Variants in ADGRL2 observed in about 807,000 individuals in gnomAD.
The protein encoded by ADGRL2 is calcium-independent alpha-latrotoxin receptor 2.
In ADGRL2, 44 loss-of-function variants were observed where a neutral mutation model predicts 157.4. The ratio of observed to expected loss-of-function variants is 0.28; its 90% CI spans 0.22 to 0.36. The LOEUF (loss-of-function observed/expected upper bound fraction) is 0.36. Ranked by LOEUF, ADGRL2 falls within the 10% of genes least tolerant of loss-of-function variation. The probability of loss-of-function intolerance (pLI) is 1.00; values close to 1 mark genes in which losing one functional copy is unlikely to be tolerated. For synonymous variants in ADGRL2, 585 were observed against 624.7 expected (o/e 0.94, Z 0.95); for missense variants, 1,510 against 1,768.9 (o/e 0.85, Z 2.63).
chr1:81,701,459 T>C (rs561979244), intron 1 of ADGRL2, among the ~76,000 whole-genome samples: 105 of 152,288 alleles, frequency 6.9e-4, no homozygotes, highest in Admixed American at 1.2e-3. Context: ...GTAGTCAGCA[T>C]TGGCTGGGTC....
At chr1:81,338,765 C>T (rs1034115080) in intron 1 of ADGRL2, among the ~76,000 whole-genome samples, 3 of 152,144 alleles carry the variant, frequency 2.0e-5, no homozygotes, top group African/African-American at 7.2e-5. Context: ...GAGGTAATGC[C>T]ACTGGAGTAA....
chr1:81,471,874 T>G (rs2101871159), intron 2 of ADGRL2, among the ~76,000 whole-genome samples: 2 of 152,350 alleles, frequency 1.3e-5, no homozygotes, highest in South Asian at 4.1e-4. Flanking sequence ...AGGATGTTTC[T>G]AAAATCATTT....
chr1:81,451,603 T>C (rs1284217347), intron 2 of ADGRL2, among the ~76,000 whole-genome samples: 2 of 152,200 alleles, frequency 1.3e-5, no homozygotes, highest in East Asian at 3.9e-4. Context: ...ATCTAATATT[T>C]GGTTTCACTC....
chr1:81,660,776 G>A (rs2082633885), intron 3 of ADGRL2, among the ~76,000 whole-genome samples: 1 of 152,148 alleles, frequency 6.6e-6, no homozygotes, highest in South Asian at 2.1e-4. Context: ...CTAAATTTGT[G>A]ATCAACATTA....
intron 1 of ADGRL2, among the ~76,000 whole-genome samples, chr1:81,707,971 A>G (rs1314820957): frequency 6.6e-6 from 1 of 152,164 alleles, no homozygotes; most frequent in East Asian, 1.9e-4. Context: ...AAAGCATTCA[A>G]TTGCACTTAG....
intron 1 of ADGRL2, among the ~76,000 whole-genome samples, chr1:81,424,099 G>T (rs374699807): frequency 1.3e-5 from 2 of 152,074 alleles, no homozygotes; most frequent in African/African-American, 2.4e-5. Context: ...GATTAATTTT[G>T]TCACTGAACA....
At chr1:81,932,984 G>A (rs543081060) in intron 3 of ADGRL2, among the ~76,000 whole-genome samples, 1 of 152,272 alleles carries the variant, frequency 6.6e-6, no homozygotes, top group Admixed American at 6.5e-5. Flanking sequence ...TTACAGGTGT[G>A]AGCCACCGTG....
chr1:81,426,368 C>T (rs900134735), intron 1 of ADGRL2: 3 of 283,640 alleles, frequency 1.1e-5, no homozygotes, highest in African/African-American at 6.9e-5. Context: ...AGAGGTCCTT[C>T]TTGCTTCTAT....
At chr1:81,466,744 G>A (rs1025243300) in intron 2 of ADGRL2, among the ~76,000 whole-genome samples, 10 of 151,962 alleles carry the variant, frequency 6.6e-5, no homozygotes, top group African/African-American at 2.4e-4. Flanking sequence ...CATGGGGCTA[G>A]CAAGTCTGTT....
chr1:81,691,568 G>A (rs1271243281), intron 3 of ADGRL2, among the ~76,000 whole-genome samples: 3 of 151,526 alleles, frequency 2.0e-5, no homozygotes, highest in African/African-American at 4.9e-5. Flanking sequence ...GCACGATCTC[G>A]GCTCACTGCA....
At chr1:81,755,173 T>C (rs1021818732) in intron 1 of ADGRL2, among the ~76,000 whole-genome samples, 1 of 140,794 alleles carries the variant, frequency 7.1e-6, no homozygotes, top group Non-Finnish European at 1.5e-5. Flanking sequence ...TATTTAAAGA[T>C]ATATATAGAT....
chr1:81,675,435 A>G (rs113639488), intron 3 of ADGRL2, among the ~76,000 whole-genome samples: 1 of 152,180 alleles, frequency 6.6e-6, no homozygotes, highest in South Asian at 2.1e-4. Flanking sequence ...ACTGTGGCAA[A>G]GATTTTTTTC....
intron 3 of ADGRL2, among the ~76,000 whole-genome samples, chr1:81,627,451 A>G (rs879513062): frequency 6.6e-6 from 1 of 152,170 alleles, no homozygotes; most frequent in Non-Finnish European, 1.5e-5. Flanking sequence ...GCTGCTATGA[A>G]TAATAATACT....
chr1:81,333,475 G>A (rs1475806747), intron 1 of ADGRL2, among the ~76,000 whole-genome samples: 1 of 151,926 alleles, frequency 6.6e-6, no homozygotes, highest in South Asian at 2.1e-4. Flanking sequence ...GAGTGCAGTG[G>A]CACCATCTTG....
chr1:81,777,260 A>G (rs1219173595), intron 2 of ADGRL2, among the ~76,000 whole-genome samples: 4 of 152,170 alleles, frequency 2.6e-5, no homozygotes, highest in Non-Finnish European at 5.9e-5. Context: ...TGCAGCCTAA[A>G]TCACTTCTTC....
At chr1:81,721,699 C>G in intron 1 of ADGRL2, 1 of 1,342,762 alleles carries the variant, frequency 7.4e-7, no homozygotes. Context: ...GACCATGGAC[C>G]CCCCGCAAAG....
intron 3 of ADGRL2, among the ~76,000 whole-genome samples, chr1:81,591,500 C>A (rs1469912602): frequency 6.6e-6 from 1 of 152,130 alleles, no homozygotes; most frequent in Non-Finnish European, 1.5e-5. Flanking sequence ...TCACATTTTG[C>A]TTTAAATGCC....
At chr1:81,867,304 G>C (rs1260540089) in intron 2 of ADGRL2, among the ~76,000 whole-genome samples, 1 of 152,146 alleles carries the variant, frequency 6.6e-6, no homozygotes, top group Non-Finnish European at 1.5e-5. Context: ...TGTTGAACAA[G>C]GTAGCATTGT....
chr1:81,750,882 A>G (rs1319237711), intron 1 of ADGRL2, among the ~76,000 whole-genome samples: 1 of 152,172 alleles, frequency 6.6e-6, no homozygotes, highest in South Asian at 2.1e-4. Flanking sequence ...TTATGTGCAT[A>G]TATCTCCTTG....
Sources: gnomAD v4.1 joint callset for allele counts (sites outside exome capture counted in the v4.1 genomes callset) on GRCh38, gnomAD v4.1.1 for gene constraint, MANE v1.5 for transcripts, NCBI Gene and HGNC (gene_info 2026-07-23, HGNC 2026-07-21) for gene names.